Variants in COL14A1 observed in about 807,000 individuals in gnomAD.
COL14A1 encodes collagen type XIV alpha 1 chain, also known as collagen alpha-1(XIV) chain.
A neutral mutation model predicts 230.3 loss-of-function variants in COL14A1; 136 were observed. The observed-to-expected ratio is 0.59, with a 90% CI of 0.51 to 0.68. COL14A1 has a LOEUF of 0.68. Ranked by LOEUF, COL14A1 falls within the 30% of genes least tolerant of loss-of-function variation. The probability of loss-of-function intolerance (pLI) is 0.00; values close to 1 mark genes in which losing one functional copy is unlikely to be tolerated. For synonymous variants in COL14A1, 792 were observed against 784.1 expected (o/e 1.01, Z -0.17); for missense variants, 1,976 against 2,215.8 (o/e 0.89, Z 2.17).
intron 2 of COL14A1, among the ~76,000 whole-genome samples, chr8:120,154,317 C>T (rs912409773): frequency 1.6e-4 from 25 of 152,154 alleles, no homozygotes; most frequent in African/African-American, 5.8e-4. Flanking sequence ...AATAGTGAGG[C>T]TTCAATGACA....
At chr8:120,275,326 A>T (rs1002974460) in intron 26 of COL14A1, among the ~76,000 whole-genome samples, 7 of 152,098 alleles carry the variant, frequency 4.6e-5, no homozygotes, top group South Asian at 4.1e-4. Flanking sequence ...CTCTCACCTT[A>T]TACAAAAATC....
chr8:120,130,287 A>T (rs773583118), intron 1 of COL14A1, among the ~76,000 whole-genome samples: 1 of 152,232 alleles, frequency 6.6e-6, no homozygotes, highest in Non-Finnish European at 1.5e-5. Flanking sequence ...GACCAGTAAC[A>T]GTTCATAGAC....
rs184247647 is a variant in COL14A1, at chr8:120,298,920, G to C, written c.4314+1332G>C. 3.8e-4 allele frequency among the ~76,000 whole-genome samples: 57 copies of C among 151,894 alleles called. No homozygotes were observed. In the East Asian group the frequency reaches 0.011, roughly 30 times the overall value. Reference sequence around the variant, plus strand: ...AGGCCTCAGGAAACTTACAAACATGGTGGAAGGGGAAGCAAACACTTCCTT... The same window carrying C: ...AGGCCTCAGGAAACTTACAAACATGCTGGAAGGGGAAGCAAACACTTCCTT... On this transcript the variant is annotated intron_variant, in intron 35 of 47. Transcript: ENST00000297848.
intron 19 of COL14A1, among the ~76,000 whole-genome samples, chr8:120,234,222 T>C (rs1818369197): frequency 6.6e-6 from 1 of 152,204 alleles, no homozygotes; most frequent in African/African-American, 2.4e-5. Flanking sequence ...GCTGAGATGA[T>C]GGGGTTTTCT....
intron 2 of COL14A1, among the ~76,000 whole-genome samples, chr8:120,150,769 G>A (rs1815254674): frequency 6.6e-6 from 1 of 152,074 alleles, no homozygotes; most frequent in African/African-American, 2.4e-5. Context: ...AGGTGGAGAT[G>A]GCTGGTAGGC....
intron 9 of COL14A1, among the ~76,000 whole-genome samples, chr8:120,205,890 A>T (rs1817414707): frequency 6.6e-6 from 1 of 152,170 alleles, no homozygotes; most frequent in Non-Finnish European, 1.5e-5. Context: ...TCTAAAGTTT[A>T]AGCTCTTTAT....
At chr8:120,139,893 T>G (rs1563630977) in intron 1 of COL14A1, among the ~76,000 whole-genome samples, 1 of 151,826 alleles carries the variant, frequency 6.6e-6, no homozygotes, top group Non-Finnish European at 1.5e-5. Context: ...CCAAGTGAGG[T>G]GGCATGGGAC....
At chr8:120,271,952 C>G (rs1193424916) in intron 26 of COL14A1, among the ~76,000 whole-genome samples, 1 of 151,452 alleles carries the variant, frequency 6.6e-6, no homozygotes, top group Non-Finnish European at 1.5e-5. Context: ...GGAAGATGCT[C>G]TCATGGTCCA....
At chr8:120,297,642 G>A in intron 35 of COL14A1, 54 bp downstream of exon 35, 1 of 1,074,306 alleles carries the variant, frequency 9.3e-7, no homozygotes, top group Non-Finnish European at 1.3e-6. Context: ...TTAATTTTCT[G>A]GAAATGAGAA....
chr8:120,306,470 T>C (rs1820862010), intron 36 of COL14A1, among the ~76,000 whole-genome samples: 1 of 152,212 alleles, frequency 6.6e-6, no homozygotes, highest in South Asian at 2.1e-4. Flanking sequence ...TAAGAAATAG[T>C]ATCCTGAGCA....
intron 26 of COL14A1, among the ~76,000 whole-genome samples, chr8:120,276,985 G>A (rs781032997): frequency 5.9e-5 from 9 of 152,038 alleles, no homozygotes; most frequent in Non-Finnish European, 1.3e-4. Context: ...ACTGGCAGCA[G>A]CTTAAGGCCC....
intron 13 of COL14A1, 87 bp from the exon 14 acceptor site, chr8:120,216,264 A>G (rs1027741905): frequency 1.8e-6 from 2 of 1,081,636 alleles, no homozygotes; most frequent in African/African-American, 3.2e-5. Context: ...TTTCATATGT[A>G]AATAGTTTAG....
intron 26 of COL14A1, among the ~76,000 whole-genome samples, chr8:120,277,267 G>A (rs1047153386): frequency 1.3e-5 from 2 of 152,104 alleles, no homozygotes; most frequent in East Asian, 1.9e-4. Flanking sequence ...AGTGTAAAGT[G>A]AGTAGAATAG....
chr8:120,190,300 T>A (rs1816779495), intron 5 of COL14A1, among the ~76,000 whole-genome samples: 1 of 152,236 alleles, frequency 6.6e-6, no homozygotes, highest in African/African-American at 2.4e-5. Flanking sequence ...GAAGTGTCTG[T>A]TCGTGTCCTT....
chr8:120,268,093 A>C (rs1169787481), intron 25 of COL14A1, among the ~76,000 whole-genome samples: 2 of 151,874 alleles, frequency 1.3e-5, no homozygotes, highest in Non-Finnish European at 2.9e-5. Flanking sequence ...AAAGCTCAAC[A>C]TTCATCCTAG....
Position 120,313,999 on chromosome 8 carries a change from CA to C in COL14A1, c.4525del (p.Ser1509ValfsTer63), listed in dbSNP as rs763749640. 6.2e-7 allele frequency: 1 copy of C among 1,612,328 alleles called. No homozygotes were observed. The highest frequency in any genetic ancestry group is 8.5e-7 in the Non-Finnish European group (1 of 1,179,240). The part of the protein sequence containing the change: ...GPQGPPGPQG[P>X]SGLSIQGMPG... ...CAGGGTCCACCTGGACCTCAAGGAC[CA>C]AGTGGTCTGTCCATTCAAGGAATGC... On this transcript the variant is annotated frameshift_variant, in exon 38 of 48. Transcript: ENST00000297848. LOFTEE classifies it high-confidence loss of function.
At position 120,146,349 on chromosome 8, in the gene COL14A1, T is replaced by C. The variant is rs570811210; in HGVS notation, c.-37-1457T>C. Among the ~76,000 whole-genome samples, 158 of 152,316 alleles carry C rather than the reference T, an allele frequency of 1.0e-3. 1 individual carries two copies. The highest frequency in any genetic ancestry group is 3.7e-3 in the African/African-American group (155 of 41,576). On this transcript the variant is annotated intron_variant, in intron 1 of 47. Transcript: ENST00000297848. ...AAATATGTTTTAGTTAATCTAAAAA[T>C]ATAGTAAGCTTTAAAGCTTATTATG...
rs201359988 is a variant in COL14A1, at chr8:120,212,555, T to C, written c.1575T>C (p.Pro525=). ...TGTTTGGAGAAGAGGCCAGTGATCC[T>C]GTTACGGGACAAGAAACAACATGTG... ...YAMFGEEASD[P]VTGQETTLAL... The change falls in exon 13 of 48, where the codon CCT becomes CCC. Residue 525 remains proline, a synonymous_variant. Transcript: ENST00000297848. 6 of 1,613,472 alleles carry C rather than the reference T, an allele frequency of 3.7e-6. No individual in the cohort carries two copies. The highest frequency in any genetic ancestry group is 5.1e-6 in the Non-Finnish European group (6 of 1,179,604).
intron 14 of COL14A1, among the ~76,000 whole-genome samples, chr8:120,223,943 G>T (rs1187335197): frequency 6.7e-6 from 1 of 150,246 alleles, no homozygotes; most frequent in African/African-American, 2.5e-5. Context: ...CTGCAGCCCC[G>T]TGCCCAACAC....
Sources: gnomAD v4.1 joint callset for allele counts (sites outside exome capture counted in the v4.1 genomes callset) on GRCh38, gnomAD v4.1.1 for gene constraint, MANE v1.5 for transcripts, NCBI Gene and HGNC (gene_info 2026-07-23, HGNC 2026-07-21) for gene names.